The following ZNF211 variants were observed in gnomAD, a reference collection of about 807,000 sequenced individuals.
ZNF211 encodes zinc finger protein 211, also known as zinc finger protein C2H2-25.
A neutral mutation model predicts 12.1 loss-of-function variants in ZNF211; 18 were observed. The observed-to-expected ratio is 1.48, with a 90% CI of 1.03 to 2.20. The LOEUF is 2.20. ZNF211 is among the 30% of genes most tolerant of loss of function. The pLI, the probability that ZNF211 is intolerant of heterozygous loss-of-function variation, is 0.00. For synonymous variants in ZNF211, 249 were observed against 246.0 expected (o/e 1.01, Z -0.11); for missense variants, 677 against 703.1 (o/e 0.96, Z 0.42).
At chr19:57,640,037 G>A in intron 3 of ZNF211, 1 of 1,535,972 alleles carries the variant, frequency 6.5e-7, no homozygotes, top group Non-Finnish European at 8.7e-7. Flanking sequence ...TGGCCTACAT[G>A]AATGGCACTT....
chr19:57,639,635 A>G (rs376170223), intron 3 of ZNF211, among the ~76,000 whole-genome samples: 1 of 149,992 alleles, frequency 6.7e-6, no homozygotes, highest in Non-Finnish European at 1.5e-5. Flanking sequence ...CATGTTGGCC[A>G]TACTGGTCCC....
rs555827295 is a variant in ZNF211 at position 57,641,335 on chromosome 19, G to A, written c.888G>A (p.Arg296=). Residue 296 remains arginine (R), a synonymous_variant, in exon 4 of 4, where the codon AGG becomes AGA. Coordinates refer to ENST00000240731, the MANE Select transcript of ZNF211 (RefSeq NM_006385.5). ...ACCAGAAAGTCCACAGTGAAGAAAG[G>A]CCTTATGAATGCAATGAATGTGGAA... is the stretch of plus-strand genomic sequence containing the variant. ...IQHQKVHSEE[R]PYECNECGKF... The A allele has an allele frequency of 1.6e-5, 26 of 1,614,168 alleles. No homozygotes were observed. Among genetic ancestry groups the A allele is most frequent in the Middle Eastern group, 1.6e-4 (1 of 6,062 alleles).
chr19:57,641,816 C>T lies in ZNF211; in HGVS notation c.1369C>T (p.Arg457Trp), dbSNP rs531966900. Residue 457 changes from arginine to tryptophan, a missense_variant, in exon 4 of 4, where the codon CGG becomes TGG. Physicochemically the swap from Arg to Trp is moderately radical, Grantham distance 101. Transcript: ENST00000240731. ...FKQSSSFSSH[R>W]KVHTGERPYV... Reference sequence around the variant, plus strand: ...GCAAAGCTCCAGCTTCAGTTCACATCGGAAAGTCCACACAGGGGAAAGGCC... The same window carrying T: ...GCAAAGCTCCAGCTTCAGTTCACATTGGAAAGTCCACACAGGGGAAAGGCC... 6.8e-6 allele frequency: 11 copies of T among 1,612,026 alleles called. No homozygotes were observed. The highest frequency in any genetic ancestry group is 6.7e-5 in the African/African-American group (5 of 74,306).
At position 57,643,786 on chromosome 19, in the gene ZNF211, T is replaced by G. The variant is rs961579690; in HGVS notation, c.*1605T>G. On this transcript the variant is annotated 3_prime_UTR_variant, in exon 4 of 4. Transcript: ENST00000240731. Reference sequence around the variant, plus strand: ...TCTGGCCCTCAAGGCAACCATTGATTTATACCTTCATTTATAATAGGTTTG... The same window carrying G: ...TCTGGCCCTCAAGGCAACCATTGATGTATACCTTCATTTATAATAGGTTTG... Among the ~76,000 whole-genome samples, 1 of 152,232 alleles carries G rather than the reference T, an allele frequency of 6.6e-6. No individual in the cohort carries two copies. Among genetic ancestry groups the G allele is most frequent in the African/African-American group, 2.4e-5 (1 of 41,450 alleles).
chr19:57,638,352 T>C (rs1982409580), intron 3 of ZNF211, among the ~76,000 whole-genome samples: 1 of 152,192 alleles, frequency 6.6e-6, no homozygotes. Flanking sequence ...TGTTCCTCTT[T>C]TTATAATCCC....
intron 2 of ZNF211, 132 bp from the exon 3 acceptor site, chr19:57,634,497 C>A: frequency 9.2e-7 from 1 of 1,088,166 alleles, no homozygotes; most frequent in Non-Finnish European, 1.3e-6. Context: ...GAAGAGACAG[C>A]AGGGATCAAT....
At chr19:57,636,263 T>C (rs966066740) in intron 3 of ZNF211, among the ~76,000 whole-genome samples, 2 of 152,200 alleles carry the variant, frequency 1.3e-5, no homozygotes, top group South Asian at 2.1e-4. Flanking sequence ...AGTTTTACTT[T>C]TTTACTTTTA....
At chr19:57,640,599 A>G in intron 3 of ZNF211, 105 bp from the exon 4 acceptor site, 2 of 1,408,320 alleles carry the variant, frequency 1.4e-6, no homozygotes, top group Non-Finnish European at 1.9e-6. Flanking sequence ...TCCTAAAAAC[A>G]GGCCCATATA....
Position 57,642,244 on chromosome 19 carries a change from G to A in ZNF211, c.*63G>A, listed in dbSNP as rs1983076355. The A allele has an allele frequency of 2.0e-6, 3 of 1,500,978 alleles. No individual in the cohort carries two copies. Among genetic ancestry groups the A allele is most frequent in the Non-Finnish European group, 2.7e-6 (3 of 1,122,456 alleles). 93.0% of individuals were successfully genotyped at this position (1,500,978 alleles called of 1,614,324 possible). ...ATACTGAAGGAGTACACCTGTGAGAGAGACAAGTACCTGATTTGGAAGCCC... is the reference window on the plus strand; with the variant it reads ...ATACTGAAGGAGTACACCTGTGAGAAAGACAAGTACCTGATTTGGAAGCCC... On this transcript the variant is annotated 3_prime_UTR_variant, in exon 4 of 4. Transcript: ENST00000240731.
At position 57,641,013 on chromosome 19, in the gene ZNF211, G is replaced by A. The variant is rs777702336; in HGVS notation, c.566G>A (p.Cys189Tyr). Residue 189 changes from cysteine (C) to tyrosine (Y), a missense_variant, in exon 4 of 4, where the codon TGC becomes TAC. Transcript: ENST00000240731. Reference sequence around the variant, plus strand: ...GACACTGCCTCGTTTACACAGAGTTGCATAGTCCATGTGTCGGAGAAACCC... The same window carrying A: ...GACACTGCCTCGTTTACACAGAGTTACATAGTCCATGTGTCGGAGAAACCC... ...YVDTASFTQS[C>Y]IVHVSEKPFT... 2.5e-6 allele frequency: 4 copies of A among 1,614,212 alleles called. No individual in the cohort carries two copies. The African/African-American group carries it at 4.0e-5, about 16-fold the overall frequency.
Position 57,634,775 on chromosome 19 carries a change from C to A in ZNF211, c.256+20C>A, listed in dbSNP as rs1163067788. On this transcript the variant is annotated intron_variant, in intron 3 of 3. Transcript: ENST00000240731. ...CCCTGGGTAAGGCCCTCATACTCAC[C>A]CTTGTGCCCTGGACTAGGCTCTCTG... 3.2e-6 allele frequency: 5 copies of A among 1,550,898 alleles called. No individual in the cohort carries two copies. In the African/African-American group the frequency reaches 6.9e-5, roughly 21 times the overall value.
chr19:57,642,978 G>A lies in ZNF211; in HGVS notation c.*797G>A, dbSNP rs1983155426. Among the ~76,000 whole-genome samples the A allele has an allele frequency of 6.6e-6, 1 of 152,090 alleles. No homozygotes were observed. The highest frequency in any genetic ancestry group is 2.4e-5 in the African/African-American group (1 of 41,398). On this transcript the variant is annotated 3_prime_UTR_variant, in exon 4 of 4. Transcript: ENST00000240731. Reference sequence around the variant, plus strand: ...CAAGGCCTTCTAGGAAATACTGCAGGATATTATGGTCTTAATTCGTGGACT... The same window carrying A: ...CAAGGCCTTCTAGGAAATACTGCAGAATATTATGGTCTTAATTCGTGGACT...
chr19:57,634,512 C>G (rs1981887025), intron 2 of ZNF211, 117 bp from the exon 3 acceptor site: 2 of 1,276,928 alleles, frequency 1.6e-6, no homozygotes. Context: ...ATCAATGACA[C>G]CAAGGTCTGG....
chr19:57,640,462 GCCTCTT>G (rs1982742425), intron 3 of ZNF211, among the ~76,000 whole-genome samples: 1 of 152,134 alleles, frequency 6.6e-6, no homozygotes, highest in African/African-American at 2.4e-5. Context: ...TGTATAACAT[GCCTCTT>G]AGTCCTGGGC....
intron 3 of ZNF211, chr19:57,634,968 T>G (rs1192254202): frequency 3.0e-6 from 3 of 985,270 alleles, no homozygotes; most frequent in East Asian, 2.3e-4. Flanking sequence ...AGTCTTACAG[T>G]AAGCCTAATA....
In ZNF211 at chr19:57,641,432, C is replaced by T. The variant is rs201291452; in HGVS notation, c.985C>T (p.Pro329Ser). 3.7e-5 allele frequency: 60 copies of T among 1,609,680 alleles called. No individual in the cohort carries two copies. Among genetic ancestry groups the T allele is most frequent in the Admixed American group, 3.0e-4 (18 of 59,772 alleles). ...VHTGERPYAC[P>S]ECGKSFSQIY... Reference sequence around the variant, plus strand: ...TACTGGAGAAAGGCCTTATGCGTGCCCTGAATGTGGGAAATCGTTTAGTCA... The same window carrying T: ...TACTGGAGAAAGGCCTTATGCGTGCTCTGAATGTGGGAAATCGTTTAGTCA... Residue 329 changes from proline to serine, a missense_variant, in exon 4 of 4, where the codon CCT becomes TCT. Coordinates refer to ENST00000240731, the MANE Select transcript of ZNF211 (RefSeq NM_006385.5).
At chr19:57,634,129 T>C in intron 2 of ZNF211, 68 bp downstream of exon 2, 4 of 1,479,304 alleles carry the variant, frequency 2.7e-6, no homozygotes, top group Non-Finnish European at 3.6e-6. Flanking sequence ...ACAGATATTT[T>C]CTTTAGATTT....
chr19:57,641,680 G>A lies in ZNF211; in HGVS notation c.1233G>A (p.Glu411=), dbSNP rs1443488980. The change falls in exon 4 of 4, where the codon GAG becomes GAA. Residue 411 remains glutamate, a synonymous_variant. Coordinates refer to ENST00000240731, the MANE Select transcript of ZNF211 (RefSeq NM_006385.5). The stretch of plus-strand genomic sequence containing the variant: ...TTCACACTGGAGAAAGACCTCATGA[G>A]TGCAATGAATGTGGAAAATCCTTTA... ...QRVHTGERPH[E]CNECGKSFSR... is the part of the protein sequence containing the mutation. The A allele has an allele frequency of 6.2e-7, 1 of 1,613,836 alleles. No individual in the cohort carries two copies. The highest frequency in any genetic ancestry group is 8.5e-7 in the Non-Finnish European group (1 of 1,179,918).
Position 57,641,279 on chromosome 19 carries a change from G to A in ZNF211, c.832G>A (p.Ala278Thr), listed in dbSNP as rs1397480836. 3 of 1,614,046 alleles carry A rather than the reference G, an allele frequency of 1.9e-6. No individual in the cohort carries two copies. Among genetic ancestry groups the A allele is most frequent in the Non-Finnish European group, 2.5e-6 (3 of 1,180,032 alleles). Reference sequence around the variant, plus strand: ...TTTTGAGTGCAGTAAATGTGGGAAAGCATGTACGCGAAGATGTAACCTCAT... The same window carrying A: ...TTTTGAGTGCAGTAAATGTGGGAAAACATGTACGCGAAGATGTAACCTCAT... ...GLFECSKCGK[A>T]CTRRCNLIQH... Residue 278 changes from alanine to threonine, a missense_variant, in exon 4 of 4, where the codon GCA (alanine) becomes ACA (threonine). Coordinates refer to ENST00000240731, the MANE Select transcript of ZNF211 (RefSeq NM_006385.5).
Sources: gnomAD v4.1 joint callset for allele counts (sites outside exome capture counted in the v4.1 genomes callset) on GRCh38, gnomAD v4.1.1 for gene constraint, MANE v1.5 for transcripts, NCBI Gene and HGNC (gene_info 2026-07-23, HGNC 2026-07-21) for gene names.